ASXL3: variants seen among roughly 807,000 people sequenced by gnomAD.
ASXL3 encodes the protein ASXL transcriptional regulator 3, also known as putative Polycomb group protein ASXL3.
In ASXL3, 34 loss-of-function variants were observed where a neutral mutation model predicts 170.6. The ratio of observed to expected loss-of-function variants is 0.20; its 90% CI spans 0.15 to 0.27. ASXL3 has a LOEUF of 0.27. ASXL3 is among the 10% of genes least tolerant of loss of function. The pLI is 1.00. For missense variants in ASXL3, 2,592 were observed against 2,695.3 expected (o/e 0.96, Z 0.85); for synonymous variants, 1,002 against 989.1 (o/e 1.01, Z -0.24).
chr18:33,605,831 T>G (rs2065242049), intron 1 of ASXL3, among the ~76,000 whole-genome samples: 2 of 151,838 alleles, frequency 1.3e-5, no homozygotes, highest in African/African-American at 4.8e-5. Flanking sequence ...TCTTTCCCCA[T>G]CGTATGCCTT....
chr18:33,604,342 TAGAA>T (rs1447132693), intron 1 of ASXL3, among the ~76,000 whole-genome samples: 4 of 151,948 alleles, frequency 2.6e-5, no homozygotes, highest in Admixed American at 6.6e-5. Context: ...TATAAAATAA[TAGAA>T]AGCTTATTAC....
chr18:33,668,269 C>CA (rs1418988781), intron 5 of ASXL3, among the ~76,000 whole-genome samples: 4 of 151,532 alleles, frequency 2.6e-5, no homozygotes, highest in Non-Finnish European at 4.4e-5. Context: ...CTACTAAAAA[C>CA]AAAAAAATAT....
Position 33,751,163 on chromosome 18 carries a change from A to G in ASXL3, c.*4568A>G, listed in dbSNP as rs1248992508. On this transcript the variant is annotated 3_prime_UTR_variant, in exon 12 of 12. Coordinates refer to ENST00000269197, the MANE Select transcript of ASXL3 (RefSeq NM_030632.3). ...ACAACTTGGGTTTCAATATTAAGAT[A>G]TTCTGGAGAAAATAAAGAAATTAAA... 1 of 152,196 alleles carries G rather than the reference A, an allele frequency of 6.6e-6. No individual in the cohort carries two copies. Among genetic ancestry groups the G allele is most frequent in the East Asian group, 1.9e-4 (1 of 5,194 alleles). 9.4% of individuals were successfully genotyped at this position (152,196 alleles called of 1,614,324 possible).
chr18:33,732,591 C>T (rs1242706173), intron 9 of ASXL3, among the ~76,000 whole-genome samples: 1 of 152,100 alleles, frequency 6.6e-6, no homozygotes, highest in Admixed American at 6.5e-5. Flanking sequence ...TGGTGGCTCA[C>T]TGGCCTGTTA....
At chr18:33,705,743 A>T (rs1396139551) in intron 8 of ASXL3, among the ~76,000 whole-genome samples, 1 of 151,956 alleles carries the variant, frequency 6.6e-6, no homozygotes, top group Admixed American at 6.6e-5. Context: ...TTTGTGTGAA[A>T]GTTTTATTGG....
In ASXL3 at chr18:33,644,892, A is replaced by G; in HGVS notation, c.138-2A>G. On this transcript the variant is annotated splice_acceptor_variant, in intron 2 of 11. Coordinates refer to ENST00000269197, the MANE Select transcript of ASXL3 (RefSeq NM_030632.3). LOFTEE classifies it high-confidence loss of function. Reference sequence around the variant, plus strand: ...TCATTTTTGCACACTTTTATTTTCTAGTGGAACCTCTCCATTAGCCTGTCT... The same window carrying G: ...TCATTTTTGCACACTTTTATTTTCTGGTGGAACCTCTCCATTAGCCTGTCT... 1 of 1,549,300 alleles carries G rather than the reference A, an allele frequency of 6.5e-7. No homozygotes were observed. Among genetic ancestry groups the G allele is most frequent in the Non-Finnish European group, 8.8e-7 (1 of 1,140,308 alleles).
intron 8 of ASXL3, among the ~76,000 whole-genome samples, chr18:33,697,396 A>G (rs545351544): frequency 4.6e-5 from 7 of 152,154 alleles, no homozygotes; most frequent in Non-Finnish European, 8.8e-5. Flanking sequence ...GTGAACATGC[A>G]CTAAGCTCCC....
Position 33,598,090 on chromosome 18 carries a change from T to A in ASXL3, c.55-9504T>A, listed in dbSNP as rs533678827. ...TAAGGACAGGTGTTTAGTATTCATA[T>A]GTAGGCAAAAATATACACTAAGCAC... On this transcript the variant is annotated intron_variant, in intron 1 of 11. Transcript: ENST00000269197. Among the ~76,000 whole-genome samples the A allele has an allele frequency of 3.3e-5, 5 of 152,246 alleles. No individual in the cohort carries two copies. The South Asian group carries it at 1.0e-3, about 32-fold the overall frequency.
chr18:33,651,989 A>G (rs1472623374), intron 4 of ASXL3, among the ~76,000 whole-genome samples: 2 of 152,100 alleles, frequency 1.3e-5, no homozygotes, highest in African/African-American at 4.8e-5. Context: ...ACTTCTGAAG[A>G]GTTTCTCAAG....
chr18:33,646,491 A>G (rs2065916685), intron 4 of ASXL3, 138 bp downstream of exon 4: 1 of 590,702 alleles, frequency 1.7e-6, no homozygotes, highest in Admixed American at 3.5e-5. Context: ...TTTATCATCA[A>G]GGTGTTTTGA....
chr18:33,595,238 T>A (rs1168066629), intron 1 of ASXL3, among the ~76,000 whole-genome samples: 1 of 152,308 alleles, frequency 6.6e-6, no homozygotes, highest in African/African-American at 2.4e-5. Context: ...AAAATGTTTA[T>A]TTTTTTAGAT....
chr18:33,642,431 A>G (rs868809443), intron 2 of ASXL3, among the ~76,000 whole-genome samples: 29 of 152,034 alleles, frequency 1.9e-4, no homozygotes, highest in Admixed American at 8.5e-4. Flanking sequence ...TTCCTCCATA[A>G]AGGAATGAAA....
chr18:33,593,231 T>C lies in ASXL3; in HGVS notation c.55-14363T>C, dbSNP rs897178983. ...ATACTTCTTTCTTTCTTTATTTCTT[T>C]TCTTTTCTTTCTCCCCCTATGCCCA... is the stretch of plus-strand genomic sequence containing the variant. On this transcript the variant is annotated intron_variant, in intron 1 of 11. Transcript: ENST00000269197. Among the ~76,000 whole-genome samples, 10 of 151,782 alleles carry C rather than the reference T, an allele frequency of 6.6e-5. 1 individual carries two copies. Among genetic ancestry groups the C allele is most frequent in the Non-Finnish European group, 7.4e-5 (5 of 67,982 alleles).
At chr18:33,581,270 T>C (rs1007528300) in intron 1 of ASXL3, among the ~76,000 whole-genome samples, 1 of 152,142 alleles carries the variant, frequency 6.6e-6, no homozygotes, top group African/African-American at 2.4e-5. Flanking sequence ...GCTGTTGTTG[T>C]TAGGGACTTT....
At chr18:33,672,177 G>C (rs1049643810) in intron 7 of ASXL3, among the ~76,000 whole-genome samples, 1 of 152,094 alleles carries the variant, frequency 6.6e-6, no homozygotes, top group Non-Finnish European at 1.5e-5. Context: ...TGTTTTGTCT[G>C]TGCAACTAGG....
intron 1 of ASXL3, among the ~76,000 whole-genome samples, chr18:33,588,367 T>TTG (rs2065051136): frequency 6.6e-6 from 1 of 151,936 alleles, no homozygotes; most frequent in Non-Finnish European, 1.5e-5. Flanking sequence ...AGGTTTTTTT[T>TTG]TTTTTTGGAG....
At chr18:33,697,381 A>T (rs930007294) in intron 8 of ASXL3, among the ~76,000 whole-genome samples, 1 of 152,096 alleles carries the variant, frequency 6.6e-6, no homozygotes, top group Non-Finnish European at 1.5e-5. Flanking sequence ...ACAACATTAG[A>T]AGTAGTGAAC....
At chr18:33,724,206 A>G (rs1427635492) in intron 8 of ASXL3, among the ~76,000 whole-genome samples, 1 of 152,136 alleles carries the variant, frequency 6.6e-6, no homozygotes, top group Non-Finnish European at 1.5e-5. Context: ...TCTTGATTAC[A>G]GCATTATAAT....
intron 8 of ASXL3, among the ~76,000 whole-genome samples, chr18:33,691,658 T>C (rs1278632808): frequency 6.6e-6 from 1 of 152,158 alleles, no homozygotes; most frequent in African/African-American, 2.4e-5. Context: ...GAGAGAGATG[T>C]AAAAGCCTGT....
Sources: allele counts gnomAD v4.1 joint callset (sites outside exome capture counted in the v4.1 genomes callset), GRCh38; gene constraint gnomAD v4.1.1; transcripts MANE v1.5; gene names NCBI Gene and HGNC (gene_info 2026-07-23, HGNC 2026-07-21).